The following SNTG1 variants were observed in gnomAD, a reference collection of about 807,000 sequenced individuals.
SNTG1 encodes syntrophin gamma 1.
A neutral mutation model predicts 74.7 loss-of-function variants in SNTG1; 39 were observed. That is an observed-to-expected ratio of 0.52 (90% CI 0.40 to 0.68). SNTG1 has a LOEUF of 0.68. Among genes scored for constraint, SNTG1 ranks in the 30% least tolerant of loss-of-function variants. The pLI, the probability that SNTG1 is intolerant of heterozygous loss-of-function variation, is 0.00. For missense variants in SNTG1, 685 were observed against 609.5 expected, an observed-to-expected ratio of 1.12 and a Z score of -1.30; for synonymous variants, 254 against 217.1, an observed-to-expected ratio of 1.17 and a Z score of -1.49.
At chr8:50,461,186 TGTG>T (rs2093558547) in intron 8 of SNTG1, among the ~76,000 whole-genome samples, 1 of 151,216 alleles carries the variant, frequency 6.6e-6, no homozygotes, top group African/African-American at 2.4e-5. Context: ...TGTGTGTGTG[TGTG>T]TGTGTGTGTG....
At chr8:50,721,071 T>C (rs1585635423) in intron 17 of SNTG1, among the ~76,000 whole-genome samples, 1 of 152,224 alleles carries the variant, frequency 6.6e-6, no homozygotes, top group Non-Finnish European at 1.5e-5. Flanking sequence ...ACCTTTTTTG[T>C]TCAACATGTA....
At chr8:50,734,752 GATATCTATATATATGGACATATATAT>G (rs2095521940) in intron 17 of SNTG1, among the ~76,000 whole-genome samples, 1 of 72,018 alleles carries the variant, frequency 1.4e-5, no homozygotes, top group South Asian at 5.3e-4. Flanking sequence ...CATGTATATA[GATATCTATATATATGGACATATATAT>G]AGATATCTAT....
chr8:50,080,801 G>A (rs1822333370), intron 1 of SNTG1, among the ~76,000 whole-genome samples: 1 of 152,128 alleles, frequency 6.6e-6, no homozygotes, highest in African/African-American at 2.4e-5. Flanking sequence ...AAATGTACCT[G>A]CAATCAGTTA....
At chr8:50,288,635 A>G (rs1480669621) in intron 2 of SNTG1, among the ~76,000 whole-genome samples, 2 of 152,202 alleles carry the variant, frequency 1.3e-5, no homozygotes, top group African/African-American at 2.4e-5. Context: ...CAGAAACATC[A>G]AAGATTTCAT....
intron 8 of SNTG1, among the ~76,000 whole-genome samples, chr8:50,478,876 C>T (rs1390114848): frequency 6.6e-6 from 1 of 152,026 alleles, no homozygotes; most frequent in African/African-American, 2.4e-5. Flanking sequence ...ACATAGACAT[C>T]CCATAATAAA....
At chr8:50,391,060 A>G (rs1254167855) in intron 2 of SNTG1, among the ~76,000 whole-genome samples, 1 of 151,994 alleles carries the variant, frequency 6.6e-6, no homozygotes, top group South Asian at 2.1e-4. Context: ...AGTACCCTTT[A>G]TTTCTTTCTT....
At chr8:49,932,528 A>G (rs1410480052) in intron 1 of SNTG1, among the ~76,000 whole-genome samples, 1 of 151,930 alleles carries the variant, frequency 6.6e-6, no homozygotes, top group South Asian at 2.1e-4. Context: ...TCCATCTCAA[A>G]CTAGTCATTA....
At chr8:50,246,207 C>T (rs2086391033) in intron 2 of SNTG1, among the ~76,000 whole-genome samples, 1 of 151,434 alleles carries the variant, frequency 6.6e-6, no homozygotes, top group African/African-American at 2.4e-5. Context: ...CATCCTTAAT[C>T]TGCTTATTCT....
chr8:50,623,799 T>C (rs527621008), intron 13 of SNTG1, among the ~76,000 whole-genome samples: 21 of 152,120 alleles, frequency 1.4e-4, no homozygotes, highest in African/African-American at 5.1e-4. Flanking sequence ...ACAGAACTAG[T>C]AATCTTTTAA....
At chr8:50,684,179 G>T (rs1298191135) in intron 15 of SNTG1, among the ~76,000 whole-genome samples, 23 of 152,126 alleles carry the variant, frequency 1.5e-4, no homozygotes, top group Admixed American at 1.5e-3. Context: ...TAAACAAGTA[G>T]TATTTCCCCC....
At chr8:50,044,294 G>T (rs944973026) in intron 1 of SNTG1, among the ~76,000 whole-genome samples, 1 of 152,176 alleles carries the variant, frequency 6.6e-6, no homozygotes, top group Non-Finnish European at 1.5e-5. Context: ...TAAGTAAGGG[G>T]ACGACCAACC....
chr8:50,195,356 G>A (rs368682655), intron 2 of SNTG1, among the ~76,000 whole-genome samples: 18 of 151,900 alleles, frequency 1.2e-4, no homozygotes, highest in Admixed American at 3.3e-4. Flanking sequence ...AACTTGCCCC[G>A]GGATACCTGC....
At chr8:50,663,085 C>T (rs949748270) in intron 15 of SNTG1, among the ~76,000 whole-genome samples, 1 of 152,072 alleles carries the variant, frequency 6.6e-6, no homozygotes, top group Non-Finnish European at 1.5e-5. Context: ...GAAGATGTGT[C>T]ATGGCAGGGG....
chr8:49,991,438 G>A (rs1038755973), intron 1 of SNTG1, among the ~76,000 whole-genome samples: 5 of 152,070 alleles, frequency 3.3e-5, no homozygotes, highest in African/African-American at 1.2e-4. Flanking sequence ...TACTCCTAGG[G>A]TTATACCCAA....
At chr8:49,989,767 T>C (rs1161457763) in intron 1 of SNTG1, among the ~76,000 whole-genome samples, 1 of 151,828 alleles carries the variant, frequency 6.6e-6, no homozygotes, top group East Asian at 1.9e-4. Flanking sequence ...GTTTGATTTA[T>C]CTCATGAATA....
At chr8:50,471,887 A>G (rs1171238462) in intron 8 of SNTG1, among the ~76,000 whole-genome samples, 1 of 152,192 alleles carries the variant, frequency 6.6e-6, no homozygotes, top group African/African-American at 2.4e-5. Context: ...TGACACATAA[A>G]AATCAGTTGG....
intron 15 of SNTG1, among the ~76,000 whole-genome samples, chr8:50,701,756 C>CCTT (rs1423114422): frequency 1.6e-5 from 2 of 123,740 alleles, no homozygotes; most frequent in African/African-American, 4.1e-5. Flanking sequence ...TCCTTCTTCT[C>CCTT]CTTCTTCTTC....
At chr8:50,577,000 T>A (rs1435547386) in intron 12 of SNTG1, among the ~76,000 whole-genome samples, 2 of 152,152 alleles carry the variant, frequency 1.3e-5, no homozygotes, top group Non-Finnish European at 2.9e-5. Flanking sequence ...TCAAATAATA[T>A]GGTGAAAAGC....
intron 8 of SNTG1, among the ~76,000 whole-genome samples, chr8:50,480,670 C>T (rs534456411): frequency 8.2e-4 from 125 of 152,162 alleles, no homozygotes; most frequent in African/African-American, 2.3e-3. Flanking sequence ...TCACAGTGAC[C>T]CAATGTTGAA....
Sources: allele counts gnomAD v4.1 joint callset (sites outside exome capture counted in the v4.1 genomes callset), GRCh38; gene constraint gnomAD v4.1.1; transcripts MANE v1.5; gene names NCBI Gene and HGNC (gene_info 2026-07-23, HGNC 2026-07-21).